PRELID2: variants seen among roughly 807,000 people sequenced by gnomAD.
The protein encoded by PRELID2 is PRELI domain-containing protein 2.
In PRELID2, 25 loss-of-function variants were observed where a neutral mutation model predicts 28.4. That is an observed-to-expected ratio of 0.88 (90% CI 0.64 to 1.23). PRELID2 has a LOEUF of 1.23. PRELID2 is among the 50% of genes most tolerant of loss of function. PRELID2 has a pLI of 0.00. For synonymous variants in PRELID2, 76 were observed against 71.6 expected (o/e 1.06, Z -0.31); for missense variants, 201 against 214.4 (o/e 0.94, Z 0.39).
At chr5:145,408,905 G>A in the PRELID2 span, among the ~76,000 whole-genome samples, 2 of 151,944 alleles carry the variant, frequency 1.3e-5, no homozygotes, top group Non-Finnish European at 2.9e-5. Flanking sequence ...TCCTCACCTA[G>A]GCACACAGTC....
intron 1 of PRELID2, among the ~76,000 whole-genome samples, chr5:145,828,467 T>C (rs1755351200): frequency 6.6e-6 from 1 of 152,166 alleles, no homozygotes; most frequent in Admixed American, 6.5e-5. Context: ...GAAGATAATA[T>C]ATCTGATTTT....
At chr5:145,280,741 G>A in the PRELID2 span, among the ~76,000 whole-genome samples, 3 of 151,182 alleles carry the variant, frequency 2.0e-5, no homozygotes, top group Non-Finnish European at 4.4e-5. Context: ...GAACAGAGAT[G>A]TGCTTTTTAG....
chr5:145,512,410 G>A (rs1752469550), intron 1 of PRELID2, among the ~76,000 whole-genome samples: 1 of 152,192 alleles, frequency 6.6e-6, no homozygotes, highest in Admixed American at 6.5e-5. Context: ...CCCTCCACAG[G>A]TTGGCAAAGC....
At chr5:145,345,455 C>T in the PRELID2 span, among the ~76,000 whole-genome samples, 1 of 152,100 alleles carries the variant, frequency 6.6e-6, no homozygotes, top group South Asian at 2.1e-4. Flanking sequence ...GTTCCTCCCT[C>T]TCTAGAAATA....
At chr5:145,265,728 C>T in the PRELID2 span, among the ~76,000 whole-genome samples, 1 of 152,160 alleles carries the variant, frequency 6.6e-6, no homozygotes, top group South Asian at 2.1e-4. Context: ...CCCTATTCAA[C>T]AAATGGTGCT....
At chr5:145,454,811 C>G in the PRELID2 span, among the ~76,000 whole-genome samples, 29 of 152,224 alleles carry the variant, frequency 1.9e-4, no homozygotes, top group Non-Finnish European at 3.4e-4. Context: ...CCTTTGCCCA[C>G]TTTTTGATGG....
At chr5:145,557,292 AT>A (rs1051923887) in intron 1 of PRELID2, among the ~76,000 whole-genome samples, 1 of 152,242 alleles carries the variant, frequency 6.6e-6, no homozygotes, top group African/African-American at 2.4e-5. Context: ...AAAGTCAGGC[AT>A]GCTTATGAAA....
chr5:145,787,362 G>A (rs1167290720), intron 5 of PRELID2, among the ~76,000 whole-genome samples: 2 of 152,088 alleles, frequency 1.3e-5, no homozygotes, highest in African/African-American at 2.4e-5. Flanking sequence ...TCACCAAAAC[G>A]TTCTTTTGCT....
chr5:145,662,235 A>C (rs1241272869), intron 1 of PRELID2, among the ~76,000 whole-genome samples: 1 of 152,134 alleles, frequency 6.6e-6, no homozygotes, highest in East Asian at 1.9e-4. Context: ...AAGTAAAGAA[A>C]TCATAGAGAA....
intron 1 of PRELID2, among the ~76,000 whole-genome samples, chr5:145,697,046 T>A (rs1475092612): frequency 6.6e-5 from 7 of 106,450 alleles, no homozygotes; most frequent in Non-Finnish European, 1.3e-4. Flanking sequence ...TATATATATA[T>A]ATATATATAT....
At chr5:145,458,051 C>A in the PRELID2 span, among the ~76,000 whole-genome samples, 5 of 152,134 alleles carry the variant, frequency 3.3e-5, no homozygotes, top group African/African-American at 9.7e-5. Context: ...ATTTTAGCCA[C>A]CAACTTGTTT....
chr5:145,817,770 T>C, intron 4 of PRELID2, 124 bp downstream of exon 4: 1 of 812,966 alleles, frequency 1.2e-6, no homozygotes, highest in Non-Finnish European at 1.7e-6. Flanking sequence ...AAAAAATTAA[T>C]AATGTGGAAT....
the PRELID2 span, among the ~76,000 whole-genome samples, chr5:145,269,582 A>C: frequency 1.3e-5 from 2 of 151,872 alleles, no homozygotes; most frequent in Non-Finnish European, 2.9e-5. Context: ...AGGTGGGCAA[A>C]ATTTTTTAAA....
chr5:145,669,855 A>G (rs1382670675), intron 1 of PRELID2, among the ~76,000 whole-genome samples: 1 of 152,082 alleles, frequency 6.6e-6, no homozygotes, highest in African/African-American at 2.4e-5. Context: ...GGGATAAACC[A>G]TCTCTTCCTC....
chr5:145,725,975 G>T (rs527649905), intron 1 of PRELID2, among the ~76,000 whole-genome samples: 1 of 152,144 alleles, frequency 6.6e-6, no homozygotes, highest in Admixed American at 6.5e-5. Flanking sequence ...TTGAGCCCAG[G>T]AGTTTGAGAC....
At chr5:145,788,153 C>T (rs1320871426) in intron 5 of PRELID2, among the ~76,000 whole-genome samples, 2 of 151,408 alleles carry the variant, frequency 1.3e-5, no homozygotes, top group Non-Finnish European at 2.9e-5. Flanking sequence ...GTTGGGCCAT[C>T]TTCCAAGGCT....
intron 1 of PRELID2, among the ~76,000 whole-genome samples, chr5:145,509,104 T>G (rs1475101374): frequency 1.3e-5 from 2 of 152,144 alleles, no homozygotes. Flanking sequence ...ATTTGCATCC[T>G]GGGCTGAAAA....
At chr5:145,611,191 T>A (rs1183019482) in intron 1 of PRELID2, among the ~76,000 whole-genome samples, 1 of 151,652 alleles carries the variant, frequency 6.6e-6, no homozygotes, top group Non-Finnish European at 1.5e-5. Flanking sequence ...TTATATGGGG[T>A]CTTGTTCTGT....
the PRELID2 span, among the ~76,000 whole-genome samples, chr5:145,379,393 G>A: frequency 5.9e-5 from 9 of 152,208 alleles, no homozygotes; most frequent in Admixed American, 3.9e-4. Context: ...GCTGGAATAA[G>A]GGGTGAGGGG....
Sources: gnomAD v4.1 joint callset for allele counts (sites outside exome capture counted in the v4.1 genomes callset) on GRCh38, gnomAD v4.1.1 for gene constraint, MANE v1.5 for transcripts, NCBI Gene and HGNC (gene_info 2026-07-23, HGNC 2026-07-21) for gene names.